The following PCBP3 variants were observed in gnomAD, a reference collection of about 807,000 sequenced individuals.
The protein encoded by PCBP3 is poly(rC)-binding protein 3.
In PCBP3, 25 loss-of-function variants were observed where a neutral mutation model predicts 52.7. The observed-to-expected ratio is 0.47, with a 90% CI of 0.35 to 0.66. The LOEUF is 0.66. Among genes scored for constraint, PCBP3 ranks in the 30% least tolerant of loss-of-function variants. The pLI is 0.01. For missense variants in PCBP3, 391 were observed against 490.3 expected (o/e 0.80, Z 1.91); for synonymous variants, 162 against 183.0 (o/e 0.89, Z 0.93).
At position 45,849,987 on chromosome 21, in the gene PCBP3, A is replaced by G. The variant is rs943398336; in HGVS notation, c.-99A>G. 3.4e-6 allele frequency: 4 copies of G among 1,176,308 alleles called. No homozygotes were observed. Among genetic ancestry groups the G allele is most frequent in the Admixed American group, 4.0e-5 (2 of 50,398 alleles). 72.9% of individuals were successfully genotyped at this position (1,176,308 alleles called of 1,614,324 possible). ...TCGGTAGGCTCCACGACAAAAGTCAACCCTTCTGTAAATCACCTGCTGTGG... is the reference window on the plus strand; with the variant it reads ...TCGGTAGGCTCCACGACAAAAGTCAGCCCTTCTGTAAATCACCTGCTGTGG... On this transcript the variant is annotated 5_prime_UTR_variant, in exon 5 of 18. Transcript: ENST00000681687.
At chr21:45,775,749 GGTTTATCAATTTT>G (rs1333965673) in intron 4 of PCBP3, among the ~76,000 whole-genome samples, 1 of 152,058 alleles carries the variant, frequency 6.6e-6, no homozygotes. Context: ...TCTAGCTAGT[GGTTTATCAATTTT>G]GTTTATCTTT....
At chr21:45,932,557 G>GTC (rs2076380700) in intron 15 of PCBP3, among the ~76,000 whole-genome samples, 1 of 136,552 alleles carries the variant, frequency 7.3e-6, no homozygotes, top group South Asian at 2.5e-4. Flanking sequence ...ACGAACACCC[G>GTC]GGCCATGCTG....
intron 4 of PCBP3, among the ~76,000 whole-genome samples, chr21:45,792,848 CCCCGGCTTTGGG>C (rs909950367): frequency 1.3e-5 from 2 of 152,180 alleles, no homozygotes; most frequent in African/African-American, 4.8e-5. Flanking sequence ...CCCTCAAACC[CCCCGGCTTTGGG>C]CCCAGGCAGT....
intron 2 of PCBP3, among the ~76,000 whole-genome samples, chr21:45,702,423 G>A (rs988737889): frequency 3.3e-5 from 5 of 152,146 alleles, no homozygotes; most frequent in African/African-American, 1.2e-4. Context: ...CGGAGCTATT[G>A]CAGGTTATGT....
intron 2 of PCBP3, among the ~76,000 whole-genome samples, chr21:45,677,701 G>A (rs1042484177): frequency 3.9e-5 from 6 of 152,232 alleles, no homozygotes; most frequent in African/African-American, 1.2e-4. Context: ...GCTGATGACT[G>A]TAAGTTGAAG....
intron 13 of PCBP3, among the ~76,000 whole-genome samples, chr21:45,925,966 G>A (rs975943911): frequency 6.6e-6 from 1 of 152,210 alleles, no homozygotes; most frequent in African/African-American, 2.4e-5. Flanking sequence ...GCCGTACCTC[G>A]AACGTTACAC....
chr21:45,894,112 G>T, intron 5 of PCBP3: 1 of 862,222 alleles, frequency 1.2e-6, no homozygotes, highest in Middle Eastern at 6.0e-4. Flanking sequence ...ACTGGAGCAG[G>T]GTAGGTCCTC....
chr21:45,760,770 A>G (rs2088560910), intron 4 of PCBP3: 2 of 152,194 alleles, frequency 1.3e-5, no homozygotes, highest in African/African-American at 4.8e-5. Flanking sequence ...TGTCTAAAAT[A>G]TTGATGGGCT....
chr21:45,650,551 A>C (rs1305285630), intron 1 of PCBP3, among the ~76,000 whole-genome samples: 4 of 152,052 alleles, frequency 2.6e-5, no homozygotes, highest in African/African-American at 4.8e-5. Flanking sequence ...CCTGGACTCG[A>C]GTGATCTTCT....
At chr21:45,695,315 G>C (rs1271415063) in intron 2 of PCBP3, among the ~76,000 whole-genome samples, 1 of 152,188 alleles carries the variant, frequency 6.6e-6, no homozygotes, top group Non-Finnish European at 1.5e-5. Context: ...AGAGGAAGGG[G>C]CTTCTCTTCC....
At chr21:45,713,996 G>T (rs541500997) in intron 2 of PCBP3, among the ~76,000 whole-genome samples, 11 of 152,354 alleles carry the variant, frequency 7.2e-5, no homozygotes, top group African/African-American at 2.4e-4. Flanking sequence ...CAGTTTTGGG[G>T]ATGGGAGAAT....
intron 11 of PCBP3, among the ~76,000 whole-genome samples, chr21:45,911,575 G>A (rs962520352): frequency 1.3e-5 from 2 of 152,122 alleles, no homozygotes; most frequent in South Asian, 2.1e-4. Context: ...AGAAGAACCC[G>A]CTCAGAGCAG....
intron 2 of PCBP3, among the ~76,000 whole-genome samples, chr21:45,697,425 T>A (rs975071059): frequency 2.6e-5 from 4 of 152,208 alleles, no homozygotes; most frequent in Non-Finnish European, 5.9e-5. Context: ...AACTTTTCCA[T>A]CTTAATCATA....
intron 3 of PCBP3, among the ~76,000 whole-genome samples, chr21:45,738,738 C>A (rs986391827): frequency 6.6e-6 from 1 of 150,526 alleles, no homozygotes; most frequent in African/African-American, 2.5e-5. Context: ...ATCAGCCCAC[C>A]CCTTCCTGTC....
At chr21:45,858,176 G>T (rs796771141) in intron 5 of PCBP3, among the ~76,000 whole-genome samples, 1 of 152,228 alleles carries the variant, frequency 6.6e-6, no homozygotes, top group Non-Finnish European at 1.5e-5. Flanking sequence ...TTGAGGACTC[G>T]CCAGGGAGAG....
intron 4 of PCBP3, among the ~76,000 whole-genome samples, chr21:45,782,919 C>T (rs2090753834): frequency 6.6e-6 from 1 of 152,340 alleles, no homozygotes; most frequent in Admixed American, 6.5e-5. Context: ...TGCTGTGTCG[C>T]AGGTTACACG....
At chr21:45,822,277 T>C (rs1306156559) in intron 4 of PCBP3, among the ~76,000 whole-genome samples, 1 of 152,178 alleles carries the variant, frequency 6.6e-6, no homozygotes, top group Non-Finnish European at 1.5e-5. Context: ...GCCTTTCCTC[T>C]GGCCGCACTG....
intron 4 of PCBP3, among the ~76,000 whole-genome samples, chr21:45,790,325 T>G (rs1569226607): frequency 6.6e-6 from 1 of 150,770 alleles, no homozygotes; most frequent in Non-Finnish European, 1.5e-5. Flanking sequence ...ACAGGGGAGG[T>G]GAGGTGACTG....
At chr21:45,840,300 T>A (rs1168780322) in intron 4 of PCBP3, among the ~76,000 whole-genome samples, 1 of 150,850 alleles carries the variant, frequency 6.6e-6, no homozygotes, top group Non-Finnish European at 1.5e-5. Flanking sequence ...AAAAAAAATT[T>A]TAAAAAATTA....
Sources: allele counts gnomAD v4.1 joint callset (sites outside exome capture counted in the v4.1 genomes callset), GRCh38; gene constraint gnomAD v4.1.1; transcripts MANE v1.5; gene names NCBI Gene and HGNC (gene_info 2026-07-23, HGNC 2026-07-21).